Variants in ESCO1 observed in about 807,000 individuals in gnomAD.
ESCO1 encodes the protein N-acetyltransferase ESCO1.
In ESCO1, 33 loss-of-function variants were observed where a neutral mutation model predicts 83.5. The ratio of observed to expected loss-of-function variants is 0.40; its 90% CI spans 0.30 to 0.53. ESCO1 has a LOEUF of 0.53. Ranked by LOEUF, ESCO1 falls within the 20% of genes least tolerant of loss-of-function variation. The pLI, the probability that ESCO1 is intolerant of heterozygous loss-of-function variation, is 0.63. For missense variants in ESCO1, 855 were observed against 968.0 expected, an observed-to-expected ratio of 0.88 and a Z score of 1.55; for synonymous variants, 332 against 324.3, an observed-to-expected ratio of 1.02 and a Z score of -0.25.
At chr18:21,548,839 C>T (rs1025855630) in intron 8 of ESCO1, among the ~76,000 whole-genome samples, 1 of 151,696 alleles carries the variant, frequency 6.6e-6, no homozygotes, top group African/African-American at 2.4e-5. Context: ...ACTTGGGAGA[C>T]TCAGGCAGGA....
At chr18:21,539,351 G>A (rs1400153167) in intron 9 of ESCO1, among the ~76,000 whole-genome samples, 3 of 151,902 alleles carry the variant, frequency 2.0e-5, no homozygotes, top group African/African-American at 7.3e-5. Context: ...ATCTACTTTG[G>A]CACTCAAATT....
chr18:21,571,328 C>T (rs1190491649), intron 4 of ESCO1, among the ~76,000 whole-genome samples: 2 of 152,022 alleles, frequency 1.3e-5, no homozygotes, highest in African/African-American at 4.8e-5. Context: ...GCTGGGATTA[C>T]AGGTGTGCAC....
chr18:21,532,323 C>T, intron 11 of ESCO1, 150 bp downstream of exon 11: 1 of 714,188 alleles, frequency 1.4e-6, no homozygotes, highest in Admixed American at 3.0e-5. Context: ...AAAGTACTTA[C>T]AGATCCAATA....
intron 6 of ESCO1, 106 bp downstream of exon 6, chr18:21,566,040 G>A (rs968659517): frequency 8.3e-6 from 8 of 963,288 alleles, no homozygotes; most frequent in African/African-American, 3.3e-5. Context: ...AAGAGAATCT[G>A]TAGGTAAACT....
At chr18:21,579,784 ACGCG>A (rs199944972) in intron 2 of ESCO1, among the ~76,000 whole-genome samples, 11 of 60,270 alleles carry the variant, frequency 1.8e-4, no homozygotes, top group East Asian at 1.6e-3. Flanking sequence ...ACACACACAC[ACGCG>A]CGCGCGCACA....
At chr18:21,583,059 G>C (rs542061365) in intron 2 of ESCO1, among the ~76,000 whole-genome samples, 1 of 152,246 alleles carries the variant, frequency 6.6e-6, no homozygotes, top group East Asian at 1.9e-4. Flanking sequence ...GCAGGCACCT[G>C]TAATCCCAGC....
At position 21,574,454 on chromosome 18, in the gene ESCO1, C is replaced by T; in HGVS notation, c.390G>A (p.Glu130=). Residue 130 remains glutamate (E), a synonymous_variant, in exon 4 of 12, where the codon GAG becomes GAA. Coordinates refer to ENST00000269214, the MANE Select transcript of ESCO1 (RefSeq NM_052911.3). The stretch of plus-strand genomic sequence containing the variant: ...TACTGCGTAACGACCTTCTTGAAAC[C>T]TCTGTTAATTGTTGTAGCCTTTGTG... ...RRSQRLQQLT[E]VSRRSLRSRE... 6.2e-7 allele frequency: 1 copy of T among 1,614,056 alleles called. No individual in the cohort carries two copies. Among genetic ancestry groups the T allele is most frequent in the Non-Finnish European group, 8.5e-7 (1 of 1,179,990 alleles).
chr18:21,550,895 G>A (rs1234417957), intron 8 of ESCO1, among the ~76,000 whole-genome samples: 1 of 151,852 alleles, frequency 6.6e-6, no homozygotes, highest in African/African-American at 2.4e-5. Flanking sequence ...GGCGGATCAC[G>A]AGGTCAGGAA....
chr18:21,555,135 T>G (rs1248637959), intron 8 of ESCO1, among the ~76,000 whole-genome samples: 3 of 152,034 alleles, frequency 2.0e-5, no homozygotes, highest in Non-Finnish European at 4.4e-5. Flanking sequence ...GATGTTTAAG[T>G]GCATATTACT....
At chr18:21,545,418 C>T (rs563021681) in intron 8 of ESCO1, among the ~76,000 whole-genome samples, 76 of 150,308 alleles carry the variant, frequency 5.1e-4, no homozygotes, top group Non-Finnish European at 9.6e-4. Flanking sequence ...ACTAAAAATA[C>T]AAAAATTAGC....
intron 4 of ESCO1, among the ~76,000 whole-genome samples, chr18:21,571,597 C>A (rs999493394): frequency 6.6e-6 from 1 of 152,208 alleles, no homozygotes; most frequent in Non-Finnish European, 1.5e-5. Flanking sequence ...TCTACATAAA[C>A]ATCTTCATTC....
intron 8 of ESCO1, among the ~76,000 whole-genome samples, chr18:21,556,912 G>C (rs559146640): frequency 3.3e-5 from 5 of 152,234 alleles, no homozygotes; most frequent in South Asian, 4.1e-4. Context: ...TGTCGGTCAG[G>C]TTAGTCTTGA....
intron 1 of ESCO1, among the ~76,000 whole-genome samples, chr18:21,584,665 C>G (rs1449111674): frequency 6.6e-6 from 1 of 151,842 alleles, no homozygotes; most frequent in Non-Finnish European, 1.5e-5. Context: ...TTCGAAAATA[C>G]AAAAATTAGC....
chr18:21,585,963 A>C (rs58805445), intron 1 of ESCO1, among the ~76,000 whole-genome samples: 22,798 of 152,200 alleles, frequency 0.15, 2,176 homozygotes, highest in East Asian at 0.36. Context: ...ATTTTGATAC[A>C]GACATACAAC....
At chr18:21,576,112 T>C (rs958385754) in intron 2 of ESCO1, among the ~76,000 whole-genome samples, 1 of 151,930 alleles carries the variant, frequency 6.6e-6, no homozygotes, top group Non-Finnish European at 1.5e-5. Context: ...ACTATATACA[T>C]AGAAAAAGAC....
chr18:21,580,317 G>GA (rs766918506), intron 2 of ESCO1, among the ~76,000 whole-genome samples: 12 of 152,114 alleles, frequency 7.9e-5, no homozygotes, highest in South Asian at 4.2e-4. Flanking sequence ...CTAGAGGGGG[G>GA]AAAAATCCTG....
intron 8 of ESCO1, among the ~76,000 whole-genome samples, chr18:21,544,187 T>C (rs564202411): frequency 7.2e-5 from 11 of 151,970 alleles, no homozygotes; most frequent in Admixed American, 3.9e-4. Context: ...GGCAGGAGAA[T>C]TGCTTGAACC....
At chr18:21,595,702 G>A (rs1221234977) in intron 1 of ESCO1, among the ~76,000 whole-genome samples, 3 of 147,052 alleles carry the variant, frequency 2.0e-5, no homozygotes, top group Admixed American at 6.9e-5. Flanking sequence ...GGTGGCTCAC[G>A]CCTGTAATCC....
chr18:21,583,169 G>C (rs957370585), intron 2 of ESCO1, among the ~76,000 whole-genome samples: 1 of 151,992 alleles, frequency 6.6e-6, no homozygotes. Context: ...GTGACAGAGC[G>C]AGACTCTGTC....
Sources: gnomAD v4.1 joint callset for allele counts (sites outside exome capture counted in the v4.1 genomes callset) on GRCh38, gnomAD v4.1.1 for gene constraint, MANE v1.5 for transcripts, NCBI Gene and HGNC (gene_info 2026-07-23, HGNC 2026-07-21) for gene names.